Variants in PCDHA8 observed in about 807,000 individuals in gnomAD.
PCDHA8 encodes the protein protocadherin alpha 8, also known as protocadherin alpha-8.
PCDHA8 carries 53 observed loss-of-function variants against 61.8 expected under a neutral mutation model. The ratio of observed to expected loss-of-function variants is 0.86; its 90% CI spans 0.69 to 1.08. PCDHA8 has a LOEUF of 1.08. PCDHA8 is among the 50% of genes least tolerant of loss of function. The pLI is 0.00. For missense variants in PCDHA8, 1,293 were observed against 1,245.0 expected, an observed-to-expected ratio of 1.04 and a Z score of -0.58; for synonymous variants, 618 against 556.6, an observed-to-expected ratio of 1.11 and a Z score of -1.55.
intron 1 of PCDHA8, chr5:140,859,517 T>A (rs1364411363): frequency 5.1e-6 from 1 of 195,368 alleles, no homozygotes; most frequent in Admixed American, 5.8e-5. Flanking sequence ...ATGATTTCAT[T>A]TTTAAAAAAA....
At chr5:140,848,315 C>A (rs1347571265) in intron 1 of PCDHA8, 1 of 741,172 alleles carries the variant, frequency 1.3e-6, no homozygotes. Flanking sequence ...CTCTTTGCCG[C>A]GATGTTCTCT....
At chr5:140,856,939 G>T (rs1554149308) in intron 1 of PCDHA8, 2 of 1,593,866 alleles carry the variant, frequency 1.3e-6, no homozygotes, top group Non-Finnish European at 1.7e-6. Flanking sequence ...TAAACGAAAG[G>T]ACGGGAGAAA....
intron 1 of PCDHA8, chr5:140,875,523 G>A (rs782796444): frequency 6.2e-7 from 1 of 1,613,992 alleles, no homozygotes; most frequent in South Asian, 1.1e-5. Flanking sequence ...TGCTGCTCTC[G>A]CTTCTGCTCC....
intron 1 of PCDHA8, among the ~76,000 whole-genome samples, chr5:140,915,667 G>A (rs2077246554): frequency 1.3e-5 from 2 of 149,888 alleles, no homozygotes; most frequent in Admixed American, 1.3e-4. Flanking sequence ...AAGGTGCTGG[G>A]CCATCTTGAA....
At chr5:140,988,483 C>T (rs2097299555) in intron 3 of PCDHA8, among the ~76,000 whole-genome samples, 2 of 152,030 alleles carry the variant, frequency 1.3e-5, no homozygotes, top group African/African-American at 4.8e-5. Context: ...AATTAGCATC[C>T]CCTACCTAGG....
chr5:140,891,602 T>G (rs1002471186), intron 1 of PCDHA8, among the ~76,000 whole-genome samples: 16 of 152,184 alleles, frequency 1.1e-4, no homozygotes, highest in Non-Finnish European at 1.8e-4. Context: ...TCCCATCTAT[T>G]TCTACCTTTT....
In PCDHA8 at chr5:140,882,900, T is replaced by C. The variant is rs151159619; in HGVS notation, c.2394+39185T>C. 8.7e-6 allele frequency: 14 copies of C among 1,614,106 alleles called. No individual in the cohort carries two copies. In the African/African-American group the frequency reaches 1.2e-4, roughly 14 times the overall value. The stretch of plus-strand genomic sequence containing the variant: ...GAGGAAATTCAGGAACATAGTTTAT[T>C]ACTGACAGCCAGTGATGGAGGTAAA... On this transcript the variant is annotated intron_variant, in intron 1 of 3. Transcript: ENST00000531613.
intron 2 of PCDHA8, among the ~76,000 whole-genome samples, chr5:140,981,687 A>ATCATTCAT (rs200213847): frequency 0.01 from 1,586 of 152,088 alleles, 32 homozygotes; most frequent in African/African-American, 0.036. Flanking sequence ...CCTCCCTTCC[A>ATCATTCAT]TCATTCATTC....
intron 1 of PCDHA8, among the ~76,000 whole-genome samples, chr5:140,932,700 A>G (rs1584752908): frequency 6.6e-6 from 1 of 151,992 alleles, no homozygotes; most frequent in East Asian, 1.9e-4. Flanking sequence ...AAAAACTCAT[A>G]TAGACAACAC....
At position 140,842,945 on chromosome 5, in the gene PCDHA8, G is replaced by T. The variant is rs2150348444; in HGVS notation, c.1624G>T (p.Val542Leu). The T allele has an allele frequency of 7.5e-6, 12 of 1,594,542 alleles. 1 individual carries two copies. In the East Asian group the frequency reaches 1.8e-4, roughly 24 times the overall value. Residue 542 changes from valine to leucine, a missense_variant, in exon 1 of 4, where the codon GTG becomes TTG. Val to Leu is a conservative substitution (Grantham distance 32, BLOSUM62 1). Transcript: ENST00000531613. ...CCAGGTGAGCGCGCGCGACGCGGGC[G>T]TGCCGCCTCTGGGCAGCAACGTGAC... ...QFQVSARDAG[V>L]PPLGSNVTLQ...
intron 1 of PCDHA8, chr5:140,869,187 C>G (rs782446170): frequency 2.5e-6 from 4 of 1,613,830 alleles, no homozygotes; most frequent in African/African-American, 1.3e-5. Flanking sequence ...AGGTGGGGAG[C>G]GGCCAGCTCC....
In PCDHA8 at chr5:140,870,953, C is replaced by T. The variant is rs782232980; in HGVS notation, c.2394+27238C>T. The T allele has an allele frequency of 3.2e-5, 51 of 1,613,668 alleles. No homozygotes were observed. In the East Asian group the frequency reaches 1.0e-3, roughly 32 times the overall value. ...GAATTGCAGCCGGCGGCGGGCGGCT[C>T]GCGCATCCCGTTCCGCGTGGGGCTG... On this transcript the variant is annotated intron_variant, in intron 1 of 3. Transcript: ENST00000531613.
At chr5:140,890,313 G>T (rs1191082730) in intron 1 of PCDHA8, among the ~76,000 whole-genome samples, 2 of 152,112 alleles carry the variant, frequency 1.3e-5, no homozygotes, top group South Asian at 2.1e-4. Context: ...ATATTAAGTT[G>T]TTTTAAGATA....
chr5:140,884,708 T>C, intron 1 of PCDHA8: 1 of 1,479,044 alleles, frequency 6.8e-7, no homozygotes, highest in Non-Finnish European at 9.0e-7. Flanking sequence ...ACTTTAGCCT[T>C]CCTTGCAGTT....
chr5:140,996,691 C>A (rs150925396), intron 3 of PCDHA8, among the ~76,000 whole-genome samples: 217 of 152,274 alleles, frequency 1.4e-3, no homozygotes, highest in African/African-American at 5.0e-3. Context: ...TAGTATTCTT[C>A]TGAACCTCTA....
chr5:140,967,130 G>A (rs1554229204), intron 1 of PCDHA8: 1 of 1,612,184 alleles, frequency 6.2e-7, no homozygotes, highest in East Asian at 2.2e-5. Flanking sequence ...GCTCAGCTTG[G>A]AAGTGCTGGC....
chr5:141,004,350 G>A (rs2098163029), intron 3 of PCDHA8, among the ~76,000 whole-genome samples: 1 of 152,192 alleles, frequency 6.6e-6, no homozygotes, highest in South Asian at 2.1e-4. Context: ...GTGAGGGACT[G>A]GAGAGACCAC....
chr5:140,868,581 A>G (rs1554162109), intron 1 of PCDHA8: 1 of 152,846 alleles, frequency 6.5e-6, no homozygotes, highest in African/African-American at 2.4e-5. Flanking sequence ...ACTTTCAGGA[A>G]ATGTTTAACC....
chr5:140,874,403 T>A (rs1013177734), intron 1 of PCDHA8, among the ~76,000 whole-genome samples: 2 of 152,198 alleles, frequency 1.3e-5, no homozygotes, highest in African/African-American at 4.8e-5. Context: ...TGCATAACAG[T>A]CACCATTCTG....
Sources: allele counts gnomAD v4.1 joint callset (sites outside exome capture counted in the v4.1 genomes callset), GRCh38; gene constraint gnomAD v4.1.1; transcripts MANE v1.5; gene names NCBI Gene and HGNC (gene_info 2026-07-23, HGNC 2026-07-21).